TRRAP: variants seen among roughly 807,000 people sequenced by gnomAD.
The protein encoded by TRRAP is transformation/transcription domain associated protein, also known as transformation/transcription domain-associated protein.
Under a neutral mutation model 438.8 loss-of-function variants are expected in TRRAP, and 41 were observed. The ratio of observed to expected loss-of-function variants is 0.09; its 90% CI spans 0.07 to 0.12. TRRAP has a LOEUF of 0.12. TRRAP is among the 10% of genes least tolerant of loss of function. The pLI is 1.00. For missense variants in TRRAP, 3,122 were observed against 5,055.1 expected (o/e 0.62, Z 11.60); for synonymous variants, 1,994 against 1,962.9 (o/e 1.02, Z -0.42).
intron 53 of TRRAP, among the ~76,000 whole-genome samples, chr7:98,975,062 G>C (rs529067101): frequency 1.1e-4 from 17 of 152,206 alleles, no homozygotes; most frequent in African/African-American, 3.9e-4. Flanking sequence ...CCGCTAAACT[G>C]ACGTGGAGCT....
intron 11 of TRRAP, among the ~76,000 whole-genome samples, chr7:98,900,994 A>G (rs1554406592): frequency 2.0e-5 from 3 of 152,242 alleles, no homozygotes; most frequent in Non-Finnish European, 4.4e-5. Context: ...GGAAATGTCC[A>G]GTGTCTAGTC....
At chr7:98,971,725 C>G (rs1157209288) in intron 52 of TRRAP, 74 bp from the exon 53 acceptor site, 1 of 1,538,416 alleles carries the variant, frequency 6.5e-7, no homozygotes, top group African/African-American at 1.4e-5. Flanking sequence ...AACAAGAAGC[C>G]TACAGGAGGT....
chr7:98,899,721 C>G lies in TRRAP; in HGVS notation c.754C>G (p.Pro252Ala). ...CCACAATGTTGTTGCTGAGTTTGTG[C>G]CCTTGATCATGAACACCATTGCCAT... is the stretch of plus-strand genomic sequence containing the variant. ...NIHNVVAEFV[P>A]LIMNTIAIQV... The change falls in exon 10 of 73, where the codon CCC (proline) becomes GCC (alanine). Residue 252 changes from proline to alanine, a missense_variant. Around this residue, in one of 24 missense-constraint regions of TRRAP, gnomAD observed 343 missense variants for 564.0 expected, o/e 0.61. Coordinates refer to ENST00000456197, the MANE Select transcript of TRRAP (RefSeq NM_001375524.1). The G allele has an allele frequency of 6.2e-7, 1 of 1,614,174 alleles. No homozygotes were observed.
intron 6 of TRRAP, among the ~76,000 whole-genome samples, chr7:98,894,201 A>C (rs782783607): frequency 6.6e-6 from 1 of 152,220 alleles, no homozygotes; most frequent in Non-Finnish European, 1.5e-5. Flanking sequence ...CTGAAGCCAG[A>C]GCCGGGTTTG....
At chr7:98,969,638 G>A (rs561966483) in intron 51 of TRRAP, among the ~76,000 whole-genome samples, 10 of 152,198 alleles carry the variant, frequency 6.6e-5, no homozygotes, top group African/African-American at 1.2e-4. Context: ...GTGTGGTGGC[G>A]AGTGGCCCAA....
rs377100415 is a variant in TRRAP, at chr7:98,977,738, A to T, written c.8386-473A>T. Among the ~76,000 whole-genome samples, 23 of 152,304 alleles carry T rather than the reference A, an allele frequency of 1.5e-4. No homozygotes were observed. The South Asian group carries it at 4.8e-3, about 32-fold the overall frequency. ...CAGGGTGCAATTCCTAGCACTGTGT[A>T]GGGTGCTGTGCCGCGGAAGCTCCAG... On this transcript the variant is annotated intron_variant, in intron 56 of 72. Coordinates refer to ENST00000456197, the MANE Select transcript of TRRAP (RefSeq NM_001375524.1).
chr7:98,887,960 G>A (rs1018426111), intron 3 of TRRAP, among the ~76,000 whole-genome samples: 1 of 152,058 alleles, frequency 6.6e-6, no homozygotes, highest in Non-Finnish European at 1.5e-5. Context: ...GGACAGGTGC[G>A]GTGGCTCCCG....
rs777409249 is a variant in TRRAP at position 98,978,224 on chromosome 7, A to G, written c.8399A>G (p.Tyr2800Cys). ...HGFFEQAQES[Y>C]EKAMDKAKKE... ...AACTTTTTTTAGGCACAAGAATCCT[A>G]TGAAAAGGCAATGGATAAAGCCAAA... Residue 2800 changes from tyrosine (Y) to cysteine (C), a missense_variant, in exon 57 of 73, where the codon TAT becomes TGT. Tyr to Cys is a radical substitution (Grantham distance 194). Transcript: ENST00000456197. The G allele has an allele frequency of 1.9e-6, 3 of 1,613,522 alleles. No individual in the cohort carries two copies. Among genetic ancestry groups the G allele is most frequent in the Non-Finnish European group, 1.7e-6 (2 of 1,179,848 alleles).
chr7:98,958,280 T>C (rs1554420340), intron 44 of TRRAP, among the ~76,000 whole-genome samples, 189 bp downstream of exon 44: 1 of 152,084 alleles, frequency 6.6e-6, no homozygotes, highest in African/African-American at 2.4e-5. Context: ...AAAATCTACC[T>C]GTGTCTTATA....
At position 98,945,954 on chromosome 7, in the gene TRRAP, A is replaced by G; in HGVS notation, c.4548+4A>G. The G allele has an allele frequency of 6.8e-7, 1 of 1,466,794 alleles. No individual in the cohort carries two copies. The highest frequency in any genetic ancestry group is 9.0e-7 in the Non-Finnish European group (1 of 1,109,352). The allele number at this position is 1,466,794 out of a possible 1,614,324, so 90.9% of individuals were successfully genotyped here. A position where few individuals can be genotyped will look rare whatever the true frequency, so the allele number is the denominator to read the frequency against. The stretch of plus-strand genomic sequence containing the variant: ...GCCTGCCATGGAAGGGGTAGAGGTG[A>G]GAACTTGAGCGGAGCTACAGGAGGG... On this transcript the variant is annotated splice_donor_region_variant and intron_variant, in intron 33 of 72. Coordinates refer to ENST00000456197, the MANE Select transcript of TRRAP (RefSeq NM_001375524.1).
At chr7:98,939,727 A>G (rs1225922080) in intron 30 of TRRAP, among the ~76,000 whole-genome samples, 1 of 152,246 alleles carries the variant, frequency 6.6e-6, no homozygotes, top group East Asian at 1.9e-4. Flanking sequence ...TACATCCTGT[A>G]TTACGGCTGA....
chr7:98,951,107 T>C (rs563280131), intron 39 of TRRAP, 103 bp downstream of exon 39: 58 of 828,016 alleles, frequency 7.0e-5, no homozygotes, highest in African/African-American at 4.7e-4. Context: ...AGGGGGTTCA[T>C]TGAAATAAGT....
intron 53 of TRRAP, among the ~76,000 whole-genome samples, chr7:98,974,923 T>C (rs187040544): frequency 1.8e-4 from 27 of 152,320 alleles, no homozygotes; most frequent in Admixed American, 1.8e-3. Context: ...ATTTCGACAC[T>C]TGGGGTTAGG....
Position 98,956,185 on chromosome 7 carries a change from G to A in TRRAP, c.5977G>A (p.Val1993Met). The A allele has an allele frequency of 1.9e-6, 3 of 1,612,926 alleles. No homozygotes were observed. The highest frequency in any genetic ancestry group is 2.2e-5 in the South Asian group (2 of 91,028). The change falls in exon 42 of 73, where the codon GTG (valine) becomes ATG (methionine). Residue 1993 changes from valine to methionine, a missense_variant. This residue lies in a region of TRRAP where 992 missense variants were observed against 1,281.2 expected (regional missense o/e 0.77). Transcript: ENST00000456197. The surrounding 1 kb of genome is among the most constrained non-coding windows in gnomAD (Gnocchi z 4.5). ...ACGGCACCACTTGGTGCAGCACATG[G>A]TGAGCGCCATGCAGAGGCTGGGCTT... ...PVRHHLVQHM[V>M]SAMQRLGFTP...
intron 67 of TRRAP, among the ~76,000 whole-genome samples, chr7:98,996,654 A>T (rs542729091): frequency 6.6e-6 from 1 of 152,210 alleles, no homozygotes; most frequent in African/African-American, 2.4e-5. Flanking sequence ...ATTAACTTCA[A>T]TTTTTATACA....
chr7:98,945,726 G>T (rs1554416626), intron 31 of TRRAP, 21 bp from the exon 32 acceptor site: 1 of 1,596,508 alleles, frequency 6.3e-7, no homozygotes, highest in Non-Finnish European at 8.5e-7. Context: ...GAAAAAAGAT[G>T]ATTTTCCTCC....
chr7:98,925,486 G>A (rs184371292), intron 22 of TRRAP, among the ~76,000 whole-genome samples: 198 of 152,314 alleles, frequency 1.3e-3, no homozygotes, highest in Admixed American at 0.012. Context: ...TGCCTTTATT[G>A]TGTCTTGTCA....
At chr7:98,977,824 C>T (rs969340576) in intron 56 of TRRAP, among the ~76,000 whole-genome samples, 2 of 152,204 alleles carry the variant, frequency 1.3e-5, no homozygotes, top group African/African-American at 4.8e-5. Flanking sequence ...AGTAATCCCA[C>T]GTCTGGACAG....
intron 64 of TRRAP, among the ~76,000 whole-genome samples, chr7:98,991,742 T>A (rs947218540): frequency 2.0e-5 from 3 of 152,228 alleles, no homozygotes; most frequent in Non-Finnish European, 4.4e-5. Flanking sequence ...ATGGAATTAG[T>A]TCACAATCCA....
Sources: allele counts gnomAD v4.1 joint callset (sites outside exome capture counted in the v4.1 genomes callset), GRCh38; gene constraint gnomAD v4.1.1; regional missense constraint gnomAD v4.1.1; non-coding constraint Gnocchi (gnomAD v3.1); transcripts MANE v1.5; gene names NCBI Gene and HGNC (gene_info 2026-07-23, HGNC 2026-07-21).